The following NEGR1 variants were observed in gnomAD, a reference collection of about 807,000 sequenced individuals.
NEGR1 encodes the protein neuronal growth regulator 1, also known as IgLON family member 4.
Under a neutral mutation model 40.9 loss-of-function variants are expected in NEGR1, and 10 were observed. That is an observed-to-expected ratio of 0.24 (90% CI 0.15 to 0.42). The LOEUF (loss-of-function observed/expected upper bound fraction) is 0.42, where lower values mean the gene tolerates loss of function less well. Among genes scored for constraint, NEGR1 ranks in the 10% least tolerant of loss-of-function variants. The probability of loss-of-function intolerance (pLI) is 1.00; values close to 1 mark genes in which losing one functional copy is unlikely to be tolerated. For synonymous variants in NEGR1, 185 were observed against 166.8 expected, an observed-to-expected ratio of 1.11 and a Z score of -0.84; for missense variants, 352 against 438.9, an observed-to-expected ratio of 0.80 and a Z score of 1.77.
At chr1:71,800,887 C>T (rs1657532398) in intron 2 of NEGR1, among the ~76,000 whole-genome samples, 1 of 152,164 alleles carries the variant, frequency 6.6e-6, no homozygotes, top group Admixed American at 6.6e-5. Flanking sequence ...CAAAAAACCT[C>T]TTGAGCAATC....
chr1:71,462,218 C>T lies in NEGR1; in HGVS notation c.941-54648G>A, dbSNP rs371541711. On this transcript the variant is annotated intron_variant, in intron 6 of 6. Transcript: ENST00000357731. ...AATAGTGTGAAACCTCTAATTGTTC[C>T]TGAAGTGGGAATGGCCTAAATTTGT... Among the ~76,000 whole-genome samples the T allele has an allele frequency of 4.1e-4, 62 of 152,182 alleles. 1 individual carries two copies. In the East Asian group the frequency reaches 8.7e-3, roughly 21 times the overall value.
At chr1:71,826,290 G>C (rs1658621350) in intron 2 of NEGR1, among the ~76,000 whole-genome samples, 1 of 151,864 alleles carries the variant, frequency 6.6e-6, no homozygotes. Context: ...CTCTACTCCA[G>C]TAGCAACTTT....
At chr1:71,744,782 C>T (rs1050028833) in intron 3 of NEGR1, among the ~76,000 whole-genome samples, 1 of 152,076 alleles carries the variant, frequency 6.6e-6, no homozygotes, top group Non-Finnish European at 1.5e-5. Flanking sequence ...TTAAAATAAC[C>T]TATATTAAAA....
In NEGR1 at chr1:71,977,678, C is replaced by T. The variant is rs1395989518; in HGVS notation, c.177-42367G>A. Among the ~76,000 whole-genome samples, 3 of 150,758 alleles carry T rather than the reference C, an allele frequency of 2.0e-5. No individual in the cohort carries two copies. In the East Asian group the frequency reaches 5.9e-4, roughly 30 times the overall value. On this transcript the variant is annotated intron_variant, in intron 1 of 6. Transcript: ENST00000357731. ...GAACACACCAGCTTGCATACTTTTACTGTCTTGTCATTATGAAAATTTTTA... is the reference window on the plus strand; with the variant it reads ...GAACACACCAGCTTGCATACTTTTATTGTCTTGTCATTATGAAAATTTTTA...
At chr1:71,527,812 A>G (rs563402141) in intron 6 of NEGR1, among the ~76,000 whole-genome samples, 39 of 151,534 alleles carry the variant, frequency 2.6e-4, no homozygotes, top group Non-Finnish European at 5.2e-4. Flanking sequence ...ACCATAGGAA[A>G]TGCTAGCATA....
At chr1:72,188,086 A>C (rs1189910986) in intron 1 of NEGR1, among the ~76,000 whole-genome samples, 1 of 151,512 alleles carries the variant, frequency 6.6e-6, no homozygotes, top group African/African-American at 2.4e-5. Flanking sequence ...TGTTAAACTG[A>C]TGTTAAATGC....
chr1:71,951,158 C>G (rs892739714), intron 1 of NEGR1, among the ~76,000 whole-genome samples: 2 of 151,790 alleles, frequency 1.3e-5, no homozygotes, highest in African/African-American at 4.8e-5. Context: ...TTGAAATGCA[C>G]ACTGCTCCAA....
At chr1:72,145,587 A>T (rs1276663712) in intron 1 of NEGR1, among the ~76,000 whole-genome samples, 1 of 152,080 alleles carries the variant, frequency 6.6e-6, no homozygotes, top group Non-Finnish European at 1.5e-5. Flanking sequence ...TTTGGTGTTA[A>T]GTATGGTTGG....
Position 71,407,410 on chromosome 1 carries a change from A to G in NEGR1, c.*36T>C. On this transcript the variant is annotated 3_prime_UTR_variant, in exon 7 of 7. Coordinates refer to ENST00000357731, the MANE Select transcript of NEGR1 (RefSeq NM_173808.3). Reference sequence around the variant, plus strand: ...ATTGGATCCAGCCATCAGCACTTTCAGAGAATCCTTAAAAGCCTTTTATGG... The same window carrying G: ...ATTGGATCCAGCCATCAGCACTTTCGGAGAATCCTTAAAAGCCTTTTATGG... 1.2e-6 allele frequency: 2 copies of G among 1,603,612 alleles called. No homozygotes were observed. Among genetic ancestry groups the G allele is most frequent in the South Asian group, 2.2e-5 (2 of 90,236 alleles).
chr1:71,799,655 C>T (rs1033893821), intron 2 of NEGR1, among the ~76,000 whole-genome samples: 3 of 152,156 alleles, frequency 2.0e-5, no homozygotes, highest in Non-Finnish European at 2.9e-5. Context: ...ACTTACACTC[C>T]CACCAACAGT....
chr1:71,934,167 T>C (rs944184936), intron 2 of NEGR1, among the ~76,000 whole-genome samples: 15 of 152,208 alleles, frequency 9.9e-5, no homozygotes, highest in Non-Finnish European at 1.9e-4. Flanking sequence ...GAGCATAATA[T>C]TTCTAAACAA....
At chr1:71,653,925 T>C (rs1045971158) in intron 4 of NEGR1, among the ~76,000 whole-genome samples, 1 of 152,180 alleles carries the variant, frequency 6.6e-6, no homozygotes, top group African/African-American at 2.4e-5. Flanking sequence ...CAAAGTCCTA[T>C]TCTTTCCACT....
chr1:71,438,226 C>T (rs1270412057), intron 6 of NEGR1, among the ~76,000 whole-genome samples: 3 of 152,192 alleles, frequency 2.0e-5, no homozygotes, highest in South Asian at 4.1e-4. Context: ...AAATAATGGG[C>T]GTTCTGATAT....
intron 1 of NEGR1, among the ~76,000 whole-genome samples, chr1:71,993,680 T>C (rs904746133): frequency 2.0e-5 from 3 of 152,232 alleles, no homozygotes; most frequent in Non-Finnish European, 2.9e-5. Flanking sequence ...GTGTTAAACA[T>C]ATTATCTTAG....
intron 6 of NEGR1, among the ~76,000 whole-genome samples, chr1:71,591,510 A>G (rs1206714923): frequency 6.6e-6 from 1 of 152,144 alleles, no homozygotes; most frequent in Non-Finnish European, 1.5e-5. Flanking sequence ...GAATATTTAA[A>G]CCATTTAAAA....
chr1:72,138,995 A>G (rs11209917), intron 1 of NEGR1, among the ~76,000 whole-genome samples: 5,228 of 152,032 alleles, frequency 0.034, 318 homozygotes, highest in African/African-American at 0.12. Flanking sequence ...AGTCATAGAA[A>G]GTATGTTCTC....
At chr1:71,563,386 G>A (rs1343191674) in intron 6 of NEGR1, among the ~76,000 whole-genome samples, 1 of 151,964 alleles carries the variant, frequency 6.6e-6, no homozygotes, top group Non-Finnish European at 1.5e-5. Flanking sequence ...GACTCCATGA[G>A]CTAGATCAGA....
chr1:72,153,638 T>A (rs181882643), intron 1 of NEGR1, among the ~76,000 whole-genome samples: 58 of 151,970 alleles, frequency 3.8e-4, no homozygotes, highest in African/African-American at 8.9e-4. Context: ...TCTCTCTATA[T>A]TAGTGTATAA....
In NEGR1 at chr1:71,428,228, C is replaced by A. The variant is rs531724033; in HGVS notation, c.941-20658G>T. On this transcript the variant is annotated intron_variant, in intron 6 of 6. Transcript: ENST00000357731. ...CAGCAGAAGGTACCAACGGCAGTGCCAGCTCTGGGTGCTTGCCTTCTGGCT... is the reference window on the plus strand; with the variant it reads ...CAGCAGAAGGTACCAACGGCAGTGCAAGCTCTGGGTGCTTGCCTTCTGGCT... Among the ~76,000 whole-genome samples the A allele has an allele frequency of 2.0e-5, 3 of 152,286 alleles. No homozygotes were observed. In the East Asian group the frequency reaches 5.8e-4, roughly 29 times the overall value.
Sources: allele counts gnomAD v4.1 joint callset (sites outside exome capture counted in the v4.1 genomes callset), GRCh38; gene constraint gnomAD v4.1.1; transcripts MANE v1.5; gene names NCBI Gene and HGNC (gene_info 2026-07-23, HGNC 2026-07-21).